CSMD1: variants seen among roughly 807,000 people sequenced by gnomAD.
CSMD1 encodes CUB and sushi domain-containing protein 1.
In CSMD1, 213 loss-of-function variants were observed where a neutral mutation model predicts 417.5. That is an observed-to-expected ratio of 0.51 (90% CI 0.46 to 0.57). CSMD1 has a LOEUF of 0.57. Among genes scored for constraint, CSMD1 ranks in the 20% least tolerant of loss-of-function variants. The probability of loss-of-function intolerance (pLI) is 0.00; values close to 1 mark genes in which losing one functional copy is unlikely to be tolerated. For synonymous variants in CSMD1, 2,862 were observed against 1,736.8 expected (o/e 1.65, Z -16.11); for missense variants, 6,923 against 4,529.7 (o/e 1.53, Z -15.17).
At chr8:3,957,699 G>T (rs767697847) in intron 5 of CSMD1, among the ~76,000 whole-genome samples, 1 of 124,368 alleles carries the variant, frequency 8.0e-6, no homozygotes, top group Non-Finnish European at 1.7e-5. Flanking sequence ...AAAAAAAGAA[G>T]AGAAGAGGAA....
At chr8:3,018,064 G>A (rs1433785424) in intron 52 of CSMD1, among the ~76,000 whole-genome samples, 1 of 152,098 alleles carries the variant, frequency 6.6e-6, no homozygotes, top group Non-Finnish European at 1.5e-5. Context: ...CTACATTATT[G>A]TAGACATATA....
intron 3 of CSMD1, among the ~76,000 whole-genome samples, chr8:4,254,276 C>A (rs899600932): frequency 1.3e-5 from 2 of 152,066 alleles, no homozygotes; most frequent in Non-Finnish European, 2.9e-5. Flanking sequence ...ACACCTGTGC[C>A]AGTTACTTCC....
At chr8:3,908,415 G>A (rs1000716352) in intron 5 of CSMD1, among the ~76,000 whole-genome samples, 5 of 151,968 alleles carry the variant, frequency 3.3e-5, no homozygotes, top group Admixed American at 3.3e-4. Context: ...GCATTCTGTG[G>A]GAATGTAAGC....
chr8:3,167,291 G>GAAAAGAAAAAAA, intron 37 of CSMD1, among the ~76,000 whole-genome samples: 1 of 102,646 alleles, frequency 9.7e-6, no homozygotes, highest in African/African-American at 3.5e-5. Context: ...CTTGGAAAAA[G>GAAAAGAAAAAAA]AAAAAAAAAA....
At chr8:4,806,512 C>T (rs1376315672) in intron 1 of CSMD1, among the ~76,000 whole-genome samples, 3 of 152,188 alleles carry the variant, frequency 2.0e-5, no homozygotes, top group Non-Finnish European at 4.4e-5. Flanking sequence ...CACTTCTTTC[C>T]TCTGGAGCTC....
intron 1 of CSMD1, among the ~76,000 whole-genome samples, chr8:4,851,832 C>T (rs1392858379): frequency 2.6e-5 from 4 of 152,166 alleles, no homozygotes; most frequent in South Asian, 2.1e-4. Flanking sequence ...AAGATAATTA[C>T]AGAGTGAAGC....
chr8:4,994,249 G>T (rs1307317646), intron 1 of CSMD1, 83 bp downstream of exon 1: 4 of 1,284,890 alleles, frequency 3.1e-6, no homozygotes, highest in Non-Finnish European at 4.4e-6. Flanking sequence ...GTACCCTGCG[G>T]TCCCCAAAAC....
intron 5 of CSMD1, among the ~76,000 whole-genome samples, chr8:3,779,729 T>A (rs895789884): frequency 6.6e-6 from 1 of 152,194 alleles, no homozygotes; most frequent in Admixed American, 6.5e-5. Flanking sequence ...CTGCAGAACA[T>A]AAAATTATAT....
intron 7 of CSMD1, among the ~76,000 whole-genome samples, chr8:3,659,158 T>C (rs1393155933): frequency 6.6e-6 from 1 of 152,160 alleles, no homozygotes; most frequent in Non-Finnish European, 1.5e-5. Context: ...TTGTTGCAGA[T>C]TCATGGAATC....
intron 51 of CSMD1, among the ~76,000 whole-genome samples, chr8:3,019,169 C>T (rs969090973): frequency 6.6e-6 from 1 of 152,190 alleles, no homozygotes; most frequent in Admixed American, 6.5e-5. Flanking sequence ...CCTCCCACCC[C>T]AGCCTCCCAA....
intron 2 of CSMD1, among the ~76,000 whole-genome samples, chr8:4,593,931 T>C (rs73659126): frequency 0.013 from 2,032 of 152,212 alleles, 43 homozygotes; most frequent in African/African-American, 0.047. Context: ...GAGTCTGAAA[T>C]CAAAATGTCA....
intron 1 of CSMD1, among the ~76,000 whole-genome samples, chr8:4,852,581 A>G (rs1801541157): frequency 6.6e-6 from 1 of 152,068 alleles, no homozygotes; most frequent in Non-Finnish European, 1.5e-5. Context: ...ATACAGAAAA[A>G]TGGTACCAGG....
intron 1 of CSMD1, among the ~76,000 whole-genome samples, chr8:4,939,595 G>C (rs1440482978): frequency 6.6e-6 from 1 of 150,828 alleles, no homozygotes; most frequent in African/African-American, 2.4e-5. Flanking sequence ...TAAAATAGTT[G>C]AACTCAATGA....
intron 1 of CSMD1, among the ~76,000 whole-genome samples, chr8:4,642,392 A>G (rs1803249052): frequency 6.6e-6 from 1 of 152,074 alleles, no homozygotes; most frequent in East Asian, 1.9e-4. Context: ...ACACCCCCCT[A>G]CAGTTGGTTG....
At chr8:4,795,513 C>A (rs147064945) in intron 1 of CSMD1, among the ~76,000 whole-genome samples, 1 of 151,882 alleles carries the variant, frequency 6.6e-6, no homozygotes, top group East Asian at 1.9e-4. Flanking sequence ...CTGCCCACCT[C>A]GGCCTTCCAA....
chr8:3,952,553 A>T (rs904645286), intron 5 of CSMD1, among the ~76,000 whole-genome samples: 1 of 152,230 alleles, frequency 6.6e-6, no homozygotes, highest in Non-Finnish European at 1.5e-5. Context: ...AACAGTATAA[A>T]TTCACAGAGG....
chr8:4,681,037 T>C (rs1285623209), intron 1 of CSMD1, among the ~76,000 whole-genome samples: 1 of 151,922 alleles, frequency 6.6e-6, no homozygotes, highest in Non-Finnish European at 1.5e-5. Flanking sequence ...GAAACCTCCT[T>C]GTTTTTTAAA....
At chr8:3,255,581 C>G (rs1026294727) in intron 26 of CSMD1, among the ~76,000 whole-genome samples, 40 of 152,218 alleles carry the variant, frequency 2.6e-4, no homozygotes, top group Non-Finnish European at 5.4e-4. Context: ...ACGCCCCTCT[C>G]CCAGCCTTGC....
chr8:4,814,748 T>C (rs1799109936), intron 1 of CSMD1, among the ~76,000 whole-genome samples: 1 of 152,128 alleles, frequency 6.6e-6, no homozygotes, highest in Non-Finnish European at 1.5e-5. Context: ...GTCCTAACAT[T>C]GAGATCATTG....
Sources: allele counts gnomAD v4.1 joint callset (sites outside exome capture counted in the v4.1 genomes callset), GRCh38; gene constraint gnomAD v4.1.1; transcripts MANE v1.5; gene names NCBI Gene and HGNC (gene_info 2026-07-23, HGNC 2026-07-21).